The following SLC35B2 variants were observed in gnomAD, a reference collection of about 807,000 sequenced individuals.
SLC35B2 encodes the protein solute carrier family 35 member B2.
In SLC35B2, 19 loss-of-function variants were observed where a neutral mutation model predicts 37.9. That is an observed-to-expected ratio of 0.50 (90% CI 0.35 to 0.74). The LOEUF (loss-of-function observed/expected upper bound fraction) is 0.74. Ranked by LOEUF, SLC35B2 falls within the 30% of genes least tolerant of loss-of-function variation. SLC35B2 has a pLI of 0.01. For synonymous variants in SLC35B2, 277 were observed against 225.2 expected, an observed-to-expected ratio of 1.23 and a Z score of -2.06; for missense variants, 633 against 547.6, an observed-to-expected ratio of 1.16 and a Z score of -1.56.
At chr6:44,256,226 G>A (rs1583002256) in intron 3 of SLC35B2, 116 bp downstream of exon 3, 3 of 1,340,822 alleles carry the variant, frequency 2.2e-6, no homozygotes, top group Admixed American at 4.6e-5. Flanking sequence ...CCCCTGGGAG[G>A]AGGACACGAA....
In SLC35B2 at chr6:44,255,320, G is replaced by GCTT. The variant is rs1781298491; in HGVS notation, c.682_684dup (p.Lys228dup). 6.2e-7 allele frequency: 1 copy of GCTT among 1,614,270 alleles called. No homozygotes were observed. Among genetic ancestry groups the GCTT allele is most frequent in the Non-Finnish European group, 8.5e-7 (1 of 1,180,046 alleles). On this transcript the variant is annotated inframe_insertion, in exon 4 of 4. Transcript: ENST00000393812. ...TGTTCGTAGCTGCGCCGAGACACAA[G>GCTT]CTTTCCCATCAGCATGACAGGGATC...
rs1295300667 is a variant in SLC35B2 at position 44,256,814 on chromosome 6, C to T, written c.76G>A (p.Ala26Thr). 2.5e-6 allele frequency: 4 copies of T among 1,613,936 alleles called. No homozygotes were observed. Among genetic ancestry groups the T allele is most frequent in the African/African-American group, 1.3e-5 (1 of 74,930 alleles). ...AGCTGGGTCCATGACTCCGGAGGGG[C>T]TTCGGGAGTCTCCCCACCTGCCCCT... Reference protein sequence around the residue: ...SLGAGGETPEAPPESWTQLWF... With the variant: ...SLGAGGETPETPPESWTQLWF... The change falls in exon 2 of 4, where the codon GCC becomes ACC. Residue 26 changes from alanine (A) to threonine (T), a missense_variant. Transcript: ENST00000393812.
rs1192037276 is a variant in SLC35B2 at position 44,257,458 on chromosome 6, C to T, written c.-48G>A. ...GGGGGAACCGGGGAATGCGAGTCCC[C>T]GGGCCGCGCGCCCCCTGCGCTCCCG... On this transcript the variant is annotated 5_prime_UTR_variant, in exon 1 of 4. Coordinates refer to ENST00000393812, the MANE Select transcript of SLC35B2 (RefSeq NM_178148.4). 3.2e-6 allele frequency: 4 copies of T among 1,243,742 alleles called. No individual in the cohort carries two copies. In the African/African-American group the frequency reaches 4.7e-5, roughly 14 times the overall value. 77.0% of individuals were successfully genotyped at this position (1,243,742 alleles called of 1,614,324 possible).
Position 44,254,748 on chromosome 6 carries a change from T to TCC in SLC35B2, c.1255_1256dup (p.Lys420GlufsTer26). The TCC allele has an allele frequency of 6.2e-7, 1 of 1,613,856 alleles. No homozygotes were observed. The highest frequency in any genetic ancestry group is 1.3e-5 in the African/African-American group (1 of 74,994). On this transcript the variant is annotated frameshift_variant, in exon 4 of 4. Coordinates refer to ENST00000393812, the MANE Select transcript of SLC35B2 (RefSeq NM_178148.4). LOFTEE classifies it high-confidence loss of function. ...GAGACTCAACAGGCACAGCCTTCTT[T>TCC]CCCCGTTGCTTTAGACGGCCCCGCG...
At position 44,254,310 on chromosome 6, in the gene SLC35B2, G is replaced by A. The variant is rs3187; in HGVS notation, c.*396C>T. 0.087 allele frequency: 18,815 copies of A among 216,150 alleles called. 1,208 individuals are homozygous for A. The highest frequency in any genetic ancestry group is 0.29 in the East Asian group (2,419 of 8,470). 13.4% of individuals were successfully genotyped at this position (216,150 alleles called of 1,614,324 possible). ...GGAAAGCAGCATTGGAGCCTACACC[G>A]CTTGTGCTTTTCTCACCAGGGTAAG... On this transcript the variant is annotated 3_prime_UTR_variant, in exon 4 of 4. Coordinates refer to ENST00000393812, the MANE Select transcript of SLC35B2 (RefSeq NM_178148.4).
chr6:44,257,124 C>A lies in SLC35B2; in HGVS notation c.12-246G>T, dbSNP rs1356417138. ...TCTGGCCACACAGGTCTCCTCTGTT[C>A]CCTCCAACGCTAGCCGGCTGCTCAG... On this transcript the variant is annotated intron_variant, in intron 1 of 3. Transcript: ENST00000393812. 7.2e-6 allele frequency: 4 copies of A among 551,908 alleles called. No individual in the cohort carries two copies. In the Admixed American group the frequency reaches 1.1e-4, roughly 16 times the overall value. 34.2% of individuals were successfully genotyped at this position (551,908 alleles called of 1,614,324 possible). A position where few individuals can be genotyped will look rare whatever the true frequency, so the allele number is the denominator to read the frequency against.
At chr6:44,256,582 G>A (rs546234389) in intron 2 of SLC35B2, 86 bp from the exon 3 acceptor site, 1 of 1,611,420 alleles carries the variant, frequency 6.2e-7, no homozygotes. Flanking sequence ...CTGCTGTCCG[G>A]CCTACCGACC....
chr6:44,254,957 A>G lies in SLC35B2; in HGVS notation c.1048T>C (p.Cys350Arg). ...GTGTAAAAGATGAAGAGCTGGCCAC[A>G]TGCGGAGCAGATGGAGAGTAGCAGG... The part of the protein sequence containing the change: ...HALLLSICSA[C>R]GQLFIFYTIG... Residue 350 changes from cysteine to arginine, a missense_variant, in exon 4 of 4, where the codon TGT (cysteine) becomes CGT (arginine). Physicochemically the swap from Cys to Arg is radical, Grantham distance 180 (BLOSUM62 -3). Transcript: ENST00000393812. The G allele has an allele frequency of 1.9e-6, 3 of 1,614,208 alleles. No individual in the cohort carries two copies. Among genetic ancestry groups the G allele is most frequent in the Non-Finnish European group, 2.5e-6 (3 of 1,180,030 alleles).
At position 44,255,610 on chromosome 6, in the gene SLC35B2, C is replaced by G; in HGVS notation, c.395G>C (p.Arg132Thr). Residue 132 changes from arginine (R) to threonine (T), a missense_variant, in exon 4 of 4, where the codon AGA becomes ACA. Transcript: ENST00000393812. ...SYLTWGVLQE[R>T]VMTRSYGATA... is the part of the protein sequence containing the mutation. ...GGCCCCATAGCTGCGGGTCATCACT[C>G]TTTCCTGCAGCACACCCCAAGTCAG... is the stretch of plus-strand genomic sequence containing the variant. 1 of 1,614,036 alleles carries G rather than the reference C, an allele frequency of 6.2e-7. No homozygotes were observed. Among genetic ancestry groups the G allele is most frequent in the Non-Finnish European group, 8.5e-7 (1 of 1,179,970 alleles).
In SLC35B2 at chr6:44,256,842, G is replaced by A. The variant is rs1212414911; in HGVS notation, c.48C>T (p.Ser16=). 1.2e-6 allele frequency: 2 copies of A among 1,611,568 alleles called. No individual in the cohort carries two copies. The highest frequency in any genetic ancestry group is 2.2e-5 in the East Asian group (1 of 44,840). The change falls in exon 2 of 4, where the codon TCC becomes TCT. Residue 16 remains serine, a synonymous_variant. Coordinates refer to ENST00000393812, the MANE Select transcript of SLC35B2 (RefSeq NM_178148.4). The part of the protein sequence containing the change: ...WAVVVLAAFP[S]LGAGGETPEA... ...CGGGAGTCTCCCCACCTGCCCCTAG[G>A]GAGGGGAACGCAGCCAGCACCACCA...
intron 2 of SLC35B2, 50 bp from the exon 3 acceptor site, chr6:44,256,546 A>T: frequency 6.2e-7 from 1 of 1,613,474 alleles, no homozygotes; most frequent in Non-Finnish European, 8.5e-7. Flanking sequence ...ATAGCACTTC[A>T]TCTTCCCCAG....
chr6:44,255,676 TAAGC>T, intron 3 of SLC35B2, 32 bp from the exon 4 acceptor site: 2 of 1,567,442 alleles, frequency 1.3e-6, no homozygotes, highest in East Asian at 2.3e-5. Context: ...AAGGAGACAA[TAAGC>T]AAGATAATGA....
chr6:44,254,242 C>T lies in SLC35B2; in HGVS notation c.*464G>A, dbSNP rs929785616. 2 of 201,178 alleles carry T rather than the reference C, an allele frequency of 9.9e-6. No individual in the cohort carries two copies. The highest frequency in any genetic ancestry group is 4.7e-5 in the African/African-American group (2 of 42,212). The allele number at this position is 201,178 out of a possible 1,614,324, so 12.5% of individuals were successfully genotyped here. ...GGAGGTGGTGGTGCTGGGCAGGGCT[C>T]TGCATCCCCTTTCCTCAGCACAGCA... is the stretch of plus-strand genomic sequence containing the variant. On this transcript the variant is annotated 3_prime_UTR_variant, in exon 4 of 4. Transcript: ENST00000393812.
rs371361831 is a variant in SLC35B2, at chr6:44,255,499, A to T, written c.506T>A (p.Leu169His). Residue 169 changes from leucine (L) to histidine (H), a missense_variant, in exon 4 of 4, where the codon CTC becomes CAC. By Grantham distance (99) the Leu-to-His change is moderately conservative. Transcript: ENST00000393812. ...NRVLALIVAG[L>H]SCVLCKQPRH... is the part of the protein sequence containing the mutation. The stretch of plus-strand genomic sequence containing the variant: ...GGGCTGCTTGCAGAGAACACAGGAG[A>T]GGCCAGCCACAATCAGTGCCAGCAC... 6.2e-7 allele frequency: 1 copy of T among 1,614,156 alleles called. No homozygotes were observed. The highest frequency in any genetic ancestry group is 8.5e-7 in the Non-Finnish European group (1 of 1,180,016).
rs1046368058 is a variant in SLC35B2 at position 44,256,490 on chromosome 6, C to G, written c.212G>C (p.Gly71Ala). The stretch of plus-strand genomic sequence containing the variant: ...AGCTTTCACCAGGGGAAAGCAGAGG[C>G]CCCTACCTGAAGAAAGCACACAAAG... ...RRKNYLETGR[G>A]LCFPLVKACV... Residue 71 changes from glycine (G) to alanine (A), a missense_variant, in exon 3 of 4, where the codon GGC (glycine) becomes GCC (alanine). Coordinates refer to ENST00000393812, the MANE Select transcript of SLC35B2 (RefSeq NM_178148.4). 2 of 1,614,152 alleles carry G rather than the reference C, an allele frequency of 1.2e-6. No individual in the cohort carries two copies. The highest frequency in any genetic ancestry group is 1.7e-6 in the Non-Finnish European group (2 of 1,180,016).
intron 3 of SLC35B2, 45 bp downstream of exon 3, chr6:44,256,297 C>T (rs765460540): frequency 3.2e-5 from 50 of 1,573,202 alleles, no homozygotes; most frequent in Non-Finnish European, 4.2e-5. Context: ...AATCCCTGCC[C>T]ACCGGCATCC....
At position 44,255,696 on chromosome 6, in the gene SLC35B2, T is replaced by C. The variant is rs530309432; in HGVS notation, c.361-52A>G. On this transcript the variant is annotated intron_variant, in intron 3 of 3. Transcript: ENST00000393812. Reference sequence around the variant, plus strand: ...GACAATAAGCAAGATAATGAAAAGGTAGACAAAAATTGACCTCTCTCTCTT... The same window carrying C: ...GACAATAAGCAAGATAATGAAAAGGCAGACAAAAATTGACCTCTCTCTCTT... 7.2e-6 allele frequency: 11 copies of C among 1,518,940 alleles called. No homozygotes were observed. The African/African-American group carries it at 1.4e-4, about 19-fold the overall frequency. The allele number at this position is 1,518,940 out of a possible 1,614,324, so 94.1% of individuals were successfully genotyped here. A position where few individuals can be genotyped will look rare whatever the true frequency, so the allele number is the denominator to read the frequency against.
intron 1 of SLC35B2, 116 bp downstream of exon 1, chr6:44,257,284 G>C: frequency 8.6e-7 from 1 of 1,168,334 alleles, no homozygotes; most frequent in Non-Finnish European, 1.1e-6. Context: ...TCCGGGCAGC[G>C]ATATGCTGGC....
rs548917770 is a variant in SLC35B2 at position 44,254,189 on chromosome 6, G to T, written c.*517C>A. The T allele has an allele frequency of 3.2e-5, 7 of 216,346 alleles. No individual in the cohort carries two copies. Among genetic ancestry groups the T allele is most frequent in the African/African-American group, 1.4e-4 (6 of 42,456 alleles). 13.4% of individuals were successfully genotyped at this position (216,346 alleles called of 1,614,324 possible). A position where few individuals can be genotyped will look rare whatever the true frequency, so the allele number is the denominator to read the frequency against. ...TACCAAAACCTGCAACAGGCTCATG[G>T]AACAGAGCCTAGGGATCCAGGAGCA... On this transcript the variant is annotated 3_prime_UTR_variant, in exon 4 of 4. Transcript: ENST00000393812.
Sources: allele counts gnomAD v4.1 joint callset, GRCh38; gene constraint gnomAD v4.1.1; transcripts MANE v1.5; gene names NCBI Gene and HGNC (gene_info 2026-07-23, HGNC 2026-07-21).